The following PLA2R1 variants were observed in gnomAD, a reference collection of about 807,000 sequenced individuals.
The protein encoded by PLA2R1 is phospholipase A2 receptor 1, also known as secretory phospholipase A2 receptor.
Under a neutral mutation model 195.9 loss-of-function variants are expected in PLA2R1, and 158 were observed. That is an observed-to-expected ratio of 0.81 (90% CI 0.71 to 0.92). The LOEUF (loss-of-function observed/expected upper bound fraction) is 0.92. Among genes scored for constraint, PLA2R1 ranks in the 40% least tolerant of loss-of-function variants. The pLI, the probability that PLA2R1 is intolerant of heterozygous loss-of-function variation, is 0.00. For synonymous variants in PLA2R1, 586 were observed against 598.2 expected, an observed-to-expected ratio of 0.98 and a Z score of 0.30; for missense variants, 1,626 against 1,764.6, an observed-to-expected ratio of 0.92 and a Z score of 1.41.
rs565084749 is a variant in PLA2R1 at position 159,936,962 on chromosome 2, A to G, written c.*4816T>C. The stretch of plus-strand genomic sequence containing the variant: ...ATATAAATAAGTAGATGGGAATAAA[A>G]GGAGGTTTGTTATAACAATATCCCT... On this transcript the variant is annotated 3_prime_UTR_variant, in exon 30 of 30. Coordinates refer to ENST00000283243, the MANE Select transcript of PLA2R1 (RefSeq NM_007366.5). 2.2e-4 allele frequency: 34 copies of G among 152,392 alleles called. No homozygotes were observed. Among genetic ancestry groups the G allele is most frequent in the Admixed American group, 3.9e-4 (6 of 15,310 alleles). The allele number at this position is 152,392 out of a possible 1,614,324, so 9.4% of individuals were successfully genotyped here.
At chr2:160,043,342 G>A (rs1030893920) in intron 2 of PLA2R1, among the ~76,000 whole-genome samples, 1 of 152,148 alleles carries the variant, frequency 6.6e-6, no homozygotes, top group Admixed American at 6.5e-5. Context: ...AGAGCAAGTC[G>A]ACCATGCAGA....
rs868292477 is a variant in PLA2R1, at chr2:159,947,576, G to A, written c.3710-17C>T. 4 of 1,611,718 alleles carry A rather than the reference G, an allele frequency of 2.5e-6. No homozygotes were observed. In the Middle Eastern group the frequency reaches 5.0e-4, roughly 200 times the overall value. Reference sequence around the variant, plus strand: ...GTCTTGTTTCTGTGAAGAAAAGCCAGTTATGATTTCAGGGTGGTGACTGGG... The same window carrying A: ...GTCTTGTTTCTGTGAAGAAAAGCCAATTATGATTTCAGGGTGGTGACTGGG... On this transcript the variant is annotated splice_polypyrimidine_tract_variant and intron_variant, in intron 25 of 29. Coordinates refer to ENST00000283243, the MANE Select transcript of PLA2R1 (RefSeq NM_007366.5).
At chr2:159,972,241 G>A (rs1173624179) in intron 17 of PLA2R1, among the ~76,000 whole-genome samples, 1 of 152,120 alleles carries the variant, frequency 6.6e-6, no homozygotes, top group African/African-American at 2.4e-5. Flanking sequence ...AACTTCATAG[G>A]AGATGCTAGA....
intron 11 of PLA2R1, among the ~76,000 whole-genome samples, chr2:160,004,292 T>C (rs910849678): frequency 1.3e-5 from 2 of 152,236 alleles, no homozygotes; most frequent in Non-Finnish European, 2.9e-5. Context: ...ATGAGGTATA[T>C]GGTCACATTA....
intron 10 of PLA2R1, among the ~76,000 whole-genome samples, chr2:160,006,570 A>G (rs1206989374): frequency 6.6e-6 from 1 of 150,546 alleles, no homozygotes; most frequent in Admixed American, 6.6e-5. Flanking sequence ...ACTCACATAC[A>G]TGCTTCCACA....
At position 160,028,977 on chromosome 2, in the gene PLA2R1, T is replaced by C; in HGVS notation, c.842-14A>G. 1 of 1,425,238 alleles carries C rather than the reference T, an allele frequency of 7.0e-7. No individual in the cohort carries two copies. Among genetic ancestry groups the C allele is most frequent in the Non-Finnish European group, 1.0e-6 (1 of 1,004,964 alleles). The allele number at this position is 1,425,238 out of a possible 1,614,324, so 88.3% of individuals were successfully genotyped here. On this transcript the variant is annotated splice_polypyrimidine_tract_variant and intron_variant, in intron 4 of 29. Transcript: ENST00000283243. ...TGCTCATGTGCTCTGAAATGAAAAT[T>C]ATGGAGCTTCAAAAAAAAAATCCAG...
rs183870945 is a variant in PLA2R1 at position 160,030,336 on chromosome 2, T to G, written c.842-1373A>C. Among the ~76,000 whole-genome samples the G allele has an allele frequency of 2.0e-5, 3 of 152,356 alleles. No individual in the cohort carries two copies. The East Asian group carries it at 5.8e-4, about 29-fold the overall frequency. On this transcript the variant is annotated intron_variant, in intron 4 of 29. Transcript: ENST00000283243. ...TATGGAATCTCTTTCTAATGTCTAT[T>G]TGATTATTCCTTTCAATAGCACCAT...
chr2:159,958,150 A>G (rs371192026), intron 20 of PLA2R1, among the ~76,000 whole-genome samples: 174 of 152,246 alleles, frequency 1.1e-3, no homozygotes, highest in African/African-American at 4.0e-3. Context: ...TGATTGGATC[A>G]TGGGGCAGAT....
Position 159,950,384 on chromosome 2 carries a change from C to A in PLA2R1, c.3541-608G>T, listed in dbSNP as rs962099167. On this transcript the variant is annotated intron_variant, in intron 24 of 29. Transcript: ENST00000283243. ...TAAATTGGTGCAAACTCTTGGAGGG[C>A]AATTTGGTAGTACTTGTCAAAATTT... Among the ~76,000 whole-genome samples the A allele has an allele frequency of 2.6e-5, 4 of 152,266 alleles. No individual in the cohort carries two copies. In the East Asian group the frequency reaches 7.7e-4, roughly 29 times the overall value.
intron 11 of PLA2R1, among the ~76,000 whole-genome samples, chr2:159,993,794 T>C (rs572119833): frequency 6.6e-6 from 1 of 152,156 alleles, no homozygotes; most frequent in Admixed American, 6.6e-5. Flanking sequence ...ACATATCAAA[T>C]ATGTTTAAAA....
At chr2:159,993,593 G>A (rs187229090) in intron 11 of PLA2R1, among the ~76,000 whole-genome samples, 1 of 151,700 alleles carries the variant, frequency 6.6e-6, no homozygotes, top group Non-Finnish European at 1.5e-5. Flanking sequence ...GAAGAAACCA[G>A]GGTTCCTTGA....
chr2:160,039,339 T>C (rs1694377622), intron 3 of PLA2R1, among the ~76,000 whole-genome samples: 1 of 152,180 alleles, frequency 6.6e-6, no homozygotes, highest in South Asian at 2.1e-4. Context: ...TGGCCCATAA[T>C]TGCCTCTAAA....
intron 12 of PLA2R1, among the ~76,000 whole-genome samples, 195 bp from the exon 13 acceptor site, chr2:159,984,268 C>G (rs1690170854): frequency 6.6e-6 from 1 of 152,064 alleles, no homozygotes; most frequent in African/African-American, 2.4e-5. Context: ...CTTTTATCCT[C>G]ATAACAAATT....
At chr2:159,966,387 G>A (rs1266050734) in intron 20 of PLA2R1, among the ~76,000 whole-genome samples, 1 of 152,186 alleles carries the variant, frequency 6.6e-6, no homozygotes, top group African/African-American at 2.4e-5. Flanking sequence ...GGGGTTCAGA[G>A]TAGGAAGAAC....
chr2:159,950,040 C>T (rs1431219967), intron 24 of PLA2R1, among the ~76,000 whole-genome samples: 1 of 152,146 alleles, frequency 6.6e-6, no homozygotes, highest in Non-Finnish European at 1.5e-5. Context: ...AGTACCTTGT[C>T]TTTTACAGTG....
At position 160,028,892 on chromosome 2, in the gene PLA2R1, A is replaced by G; in HGVS notation, c.913T>C (p.Trp305Arg). The G allele has an allele frequency of 1.9e-6, 3 of 1,613,090 alleles. No homozygotes were observed. The South Asian group carries it at 3.3e-5, about 18-fold the overall frequency. Residue 305 changes from tryptophan to arginine, a missense_variant, in exon 5 of 30, where the codon TGG (tryptophan) becomes CGG (arginine). By Grantham distance (101) the Trp-to-Arg change is moderately radical. Coordinates refer to ENST00000283243, the MANE Select transcript of PLA2R1 (RefSeq NM_007366.5). ...TAGTTGAGCGGCGTTCCATCAGACC[A>G]CTGCCAGCCAGCGTGTTCATCCAGC... The part of the protein sequence containing the change: ...NQLDEHAGWQ[W>R]SDGTPLNYLN...
At chr2:160,001,717 C>A (rs1471722765) in intron 11 of PLA2R1, among the ~76,000 whole-genome samples, 1 of 151,802 alleles carries the variant, frequency 6.6e-6, no homozygotes, top group African/African-American at 2.4e-5. Flanking sequence ...ACAAGAGGAT[C>A]ACTTGGGATA....
chr2:159,975,002 G>T (rs892451599), intron 17 of PLA2R1, among the ~76,000 whole-genome samples: 1 of 152,132 alleles, frequency 6.6e-6, no homozygotes, highest in Non-Finnish European at 1.5e-5. Flanking sequence ...GATTCCTGAA[G>T]ATCATGAAAT....
intron 3 of PLA2R1, among the ~76,000 whole-genome samples, chr2:160,040,390 C>A (rs1022620118): frequency 9.2e-5 from 14 of 152,066 alleles, no homozygotes; most frequent in Non-Finnish European, 1.9e-4. Context: ...TGCGATTGAC[C>A]AATAGCCCAT....
Sources: gnomAD v4.1 joint callset for allele counts (sites outside exome capture counted in the v4.1 genomes callset) on GRCh38, gnomAD v4.1.1 for gene constraint, MANE v1.5 for transcripts, NCBI Gene and HGNC (gene_info 2026-07-23, HGNC 2026-07-21) for gene names.